The following FAM184A variants were observed in gnomAD, a reference collection of about 807,000 sequenced individuals.
FAM184A encodes the protein protein FAM184A.
A neutral mutation model predicts 143.8 loss-of-function variants in FAM184A; 99 were observed. That is an observed-to-expected ratio of 0.69 (90% confidence interval 0.58 to 0.81). FAM184A has a LOEUF of 0.81. Among genes scored for constraint, FAM184A ranks in the 40% least tolerant of loss-of-function variants. The pLI is 0.00. For missense variants in FAM184A, 1,217 were observed against 1,310.5 expected (o/e 0.93, Z 1.10); for synonymous variants, 427 against 446.4 (o/e 0.96, Z 0.55).
intron 1 of FAM184A, among the ~76,000 whole-genome samples, chr6:119,077,906 C>A (rs187748657): frequency 6.6e-6 from 1 of 152,268 alleles, no homozygotes; most frequent in Non-Finnish European, 1.5e-5. Context: ...CCCCAAAGGG[C>A]AAGGAGGTGC....
chr6:119,111,095 T>A (rs1788918866), intron 1 of FAM184A, among the ~76,000 whole-genome samples: 2 of 152,206 alleles, frequency 1.3e-5, no homozygotes, highest in Non-Finnish European at 2.9e-5. Context: ...CAACATTATT[T>A]ATAAAAGTCA....
At chr6:119,102,784 CAAAA>C (rs58686018) in intron 1 of FAM184A, among the ~76,000 whole-genome samples, 4 of 30,110 alleles carry the variant, frequency 1.3e-4, no homozygotes, top group African/African-American at 3.7e-4. Context: ...GACTCCATCT[CAAAA>C]AAAAAAAAAA....
intron 13 of FAM184A, among the ~76,000 whole-genome samples, chr6:118,974,820 T>C (rs1200215950): frequency 1.3e-5 from 2 of 152,192 alleles, no homozygotes; most frequent in African/African-American, 4.8e-5. Context: ...CCAAAGTGAA[T>C]GAATACATGT....
At position 118,979,263 on chromosome 6, in the gene FAM184A, G is replaced by A. The variant is rs116245293; in HGVS notation, c.2455+102C>T. 1,112 of 1,139,716 alleles carry A rather than the reference G, an allele frequency of 9.8e-4. 16 individuals are homozygous for A. In the South Asian group the frequency reaches 0.011, roughly 11 times the overall value. 70.6% of individuals were successfully genotyped at this position (1,139,716 alleles called of 1,614,324 possible). On this transcript the variant is annotated intron_variant, in intron 11 of 17. Coordinates refer to ENST00000338891, the MANE Select transcript of FAM184A (RefSeq NM_024581.6). Reference sequence around the variant, plus strand: ...AGTACACTTAGATATTCATTTTGACGTTTCAAAATTTTAAAATAAAACTTG... The same window carrying A: ...AGTACACTTAGATATTCATTTTGACATTTCAAAATTTTAAAATAAAACTTG...
chr6:118,994,685 C>CTAAATAAA (rs201223261), intron 9 of FAM184A, among the ~76,000 whole-genome samples: 2 of 137,604 alleles, frequency 1.5e-5, no homozygotes, highest in African/African-American at 5.5e-5. Flanking sequence ...GACTCCATCT[C>CTAAATAAA]TAAATAAATA....
intron 1 of FAM184A, among the ~76,000 whole-genome samples, chr6:119,045,748 T>C (rs1056725144): frequency 6.6e-6 from 1 of 152,120 alleles, no homozygotes; most frequent in Non-Finnish European, 1.5e-5. Flanking sequence ...TTCCTATATT[T>C]TCATGCTCAA....
At chr6:119,065,973 C>A (rs1464073470) in intron 1 of FAM184A, among the ~76,000 whole-genome samples, 1 of 152,170 alleles carries the variant, frequency 6.6e-6, no homozygotes, top group East Asian at 1.9e-4. Context: ...GAATAAATGA[C>A]CCCAGTATCT....
intron 1 of FAM184A, among the ~76,000 whole-genome samples, chr6:119,129,765 A>G (rs1407151083): frequency 1.3e-5 from 2 of 151,920 alleles, no homozygotes; most frequent in Non-Finnish European, 2.9e-5. Flanking sequence ...TTATTTGCAT[A>G]AAAGACTATT....
chr6:119,130,243 G>T (rs1224544885), intron 1 of FAM184A, among the ~76,000 whole-genome samples: 2 of 152,116 alleles, frequency 1.3e-5, no homozygotes, highest in South Asian at 4.1e-4. Context: ...AAGACTTCCG[G>T]CTCCAGAAAT....
At chr6:119,009,350 G>A (rs1785022167) in intron 6 of FAM184A, among the ~76,000 whole-genome samples, 1 of 152,086 alleles carries the variant, frequency 6.6e-6, no homozygotes, top group African/African-American at 2.4e-5. Context: ...CTGAATTATG[G>A]GGTGGGTCTT....
In FAM184A at chr6:119,067,602, T is replaced by C. The variant is rs567474901; in HGVS notation, c.159+10539A>G. On this transcript the variant is annotated intron_variant, in intron 1 of 17. Transcript: ENST00000338891. ...GGATCAATATATATTTTAAAAGGTG[T>C]TTTAAACAGAAACACACATAAAACA... is the stretch of plus-strand genomic sequence containing the variant. Among the ~76,000 whole-genome samples the C allele has an allele frequency of 9.9e-5, 15 of 152,280 alleles. No homozygotes were observed. In the East Asian group the frequency reaches 2.7e-3, roughly 27 times the overall value.
At chr6:119,003,926 C>T (rs1026670084) in intron 7 of FAM184A, among the ~76,000 whole-genome samples, 4 of 152,158 alleles carry the variant, frequency 2.6e-5, no homozygotes, top group African/African-American at 9.7e-5. Context: ...AGGTATCTAA[C>T]GGTAGACTGA....
chr6:118,980,367 T>G lies in FAM184A; in HGVS notation c.2089-17A>C. On this transcript the variant is annotated splice_polypyrimidine_tract_variant and intron_variant, in intron 9 of 17. Transcript: ENST00000338891. The stretch of plus-strand genomic sequence containing the variant: ...CAAGGAAATCTATGCCCCAGAATGG[T>G]ACACAATGAAGAATAAATACAAGGC... The G allele has an allele frequency of 6.2e-7, 1 of 1,602,482 alleles. No individual in the cohort carries two copies. Among genetic ancestry groups the G allele is most frequent in the Non-Finnish European group, 8.5e-7 (1 of 1,170,476 alleles).
intron 1 of FAM184A, among the ~76,000 whole-genome samples, chr6:119,089,147 T>C (rs1048535620): frequency 1.3e-5 from 2 of 148,830 alleles, no homozygotes; most frequent in African/African-American, 2.5e-5. Flanking sequence ...GCCTCCCAAA[T>C]AGCTAACACC....
chr6:118,968,264 T>A lies in FAM184A; in HGVS notation c.2916-1312A>T, dbSNP rs567250653. Among the ~76,000 whole-genome samples the A allele has an allele frequency of 3.2e-4, 48 of 149,550 alleles. 1 individual carries two copies. In the East Asian group the frequency reaches 9.0e-3, roughly 28 times the overall value. On this transcript the variant is annotated intron_variant, in intron 14 of 17. Coordinates refer to ENST00000338891, the MANE Select transcript of FAM184A (RefSeq NM_024581.6). Reference sequence around the variant, plus strand: ...TAACACTAATGATAGCTGATGAGCTTAAAAAAAAAACTCAATAAAAAAATC... The same window carrying A: ...TAACACTAATGATAGCTGATGAGCTAAAAAAAAAAACTCAATAAAAAAATC...
rs138104580 is a variant in FAM184A, at chr6:118,996,559, C to T, written c.2088+6340G>A. Among the ~76,000 whole-genome samples, 651 of 152,186 alleles carry T rather than the reference C, an allele frequency of 4.3e-3. 1 individual carries two copies. The highest frequency in any genetic ancestry group is 0.014 in the Middle Eastern group (4 of 294). On this transcript the variant is annotated intron_variant, in intron 9 of 17. Coordinates refer to ENST00000338891, the MANE Select transcript of FAM184A (RefSeq NM_024581.6). ...CCTATGACTTTCCCTTATCTTACTC[C>T]AGCCATCTCTTTCCCCCAGGGCTCT...
chr6:119,052,246 C>T (rs889241711), intron 1 of FAM184A, among the ~76,000 whole-genome samples: 9 of 152,152 alleles, frequency 5.9e-5, no homozygotes, highest in African/African-American at 2.2e-4. Flanking sequence ...CTTCCTTTCA[C>T]ACCTAAATGT....
rs1269097237 is a variant in FAM184A, at chr6:118,968,156, G to GT, written c.2916-1205dup. ...TAGGACTTCATCAGATCAGTGCGAG[G>GT]TAAGTTGTACAACAGGGGTGTCCAA... On this transcript the variant is annotated intron_variant, in intron 14 of 17. Transcript: ENST00000338891. Among the ~76,000 whole-genome samples, 7 of 152,170 alleles carry GT rather than the reference G, an allele frequency of 4.6e-5. No individual in the cohort carries two copies. The East Asian group carries it at 1.3e-3, about 29-fold the overall frequency.
intron 1 of FAM184A, among the ~76,000 whole-genome samples, chr6:119,063,450 T>G (rs1787332682): frequency 6.6e-6 from 1 of 152,250 alleles, no homozygotes; most frequent in Admixed American, 6.5e-5. Context: ...TCTTACTGGT[T>G]TCTATCTTGA....
Sources: allele counts gnomAD v4.1 joint callset (sites outside exome capture counted in the v4.1 genomes callset), GRCh38; gene constraint gnomAD v4.1.1; transcripts MANE v1.5; gene names NCBI Gene and HGNC (gene_info 2026-07-23, HGNC 2026-07-21).